RB1: variants seen among roughly 807,000 people sequenced by gnomAD.
RB1 encodes the protein RB transcriptional corepressor 1, also known as retinoblastoma-associated protein.
In RB1, 18 loss-of-function variants were observed where a neutral mutation model predicts 135.4. The ratio of observed to expected loss-of-function variants is 0.13; its 90% CI spans 0.09 to 0.20. RB1 has a LOEUF of 0.20. RB1 is among the 10% of genes least tolerant of loss of function. RB1 has a pLI of 1.00. For missense variants in RB1, 868 were observed against 1,110.0 expected (o/e 0.78, Z 3.10); for synonymous variants, 365 against 373.2 (o/e 0.98, Z 0.25).
intron 17 of RB1, chr13:48,412,344 A>G (rs777636585): frequency 5.0e-6 from 8 of 1,613,542 alleles, no homozygotes; most frequent in Middle Eastern, 1.6e-4. Context: ...AAGCACAAAC[A>G]CCATGCTGAA....
intron 17 of RB1, among the ~76,000 whole-genome samples, chr13:48,414,782 CAA>C (rs1382909101): frequency 3.3e-5 from 5 of 151,602 alleles, no homozygotes; most frequent in African/African-American, 1.2e-4. Context: ...TATCAAATGA[CAA>C]AAAAAGATGA....
rs769539980 is a variant in RB1 at position 48,476,783 on chromosome 13, C to T, written c.2603C>T (p.Pro868Leu). The T allele has an allele frequency of 1.2e-6, 2 of 1,613,660 alleles. No homozygotes were observed. Among genetic ancestry groups the T allele is most frequent in the Non-Finnish European group, 1.7e-6 (2 of 1,179,674 alleles). The stretch of plus-strand genomic sequence containing the variant: ...AAAAGAAGTGCTGAAGGAAGCAACC[C>T]TCCTAAACCACTGAAAAAACTACGC... ...VLKRSAEGSN[P>L]PKPLKKLRFD... The change falls in exon 25 of 27, where the codon CCT (proline) becomes CTT (leucine). Residue 868 changes from proline (P) to leucine (L), a missense_variant. Around this residue, in one of 3 missense-constraint regions of RB1, gnomAD observed 196 missense variants for 239.8 expected, o/e 0.82. Coordinates refer to ENST00000267163, the MANE Select transcript of RB1 (RefSeq NM_000321.3).
intron 7 of RB1, among the ~76,000 whole-genome samples, chr13:48,361,903 C>T (rs191515253): frequency 2.7e-5 from 4 of 148,074 alleles, no homozygotes; most frequent in Non-Finnish European, 4.5e-5. Flanking sequence ...TTGATTGGAT[C>T]TAGAGGCAAT....
At chr13:48,458,490 G>A (rs957567983) in intron 19 of RB1, among the ~76,000 whole-genome samples, 17 of 152,172 alleles carry the variant, frequency 1.1e-4, no homozygotes, top group African/African-American at 4.1e-4. Context: ...TTAGGTTAGA[G>A]CAGTGGTTTT....
Position 48,328,570 on chromosome 13 carries a change from G to C in RB1, c.265-14029G>C, listed in dbSNP as rs747981304. ...CGCCTTCCCATCAGCCATTTCCCCC[G>C]CCGCATTGTTTTTTTAAGATTTCAG... On this transcript the variant is annotated intron_variant, in intron 2 of 26. Transcript: ENST00000267163. 8.9e-6 allele frequency: 6 copies of C among 670,810 alleles called. No homozygotes were observed. The African/African-American group carries it at 9.2e-5, about 10-fold the overall frequency. 41.6% of individuals were successfully genotyped at this position (670,810 alleles called of 1,614,324 possible). A position where few individuals can be genotyped will look rare whatever the true frequency, so the allele number is the denominator to read the frequency against.
intron 17 of RB1, among the ~76,000 whole-genome samples, chr13:48,440,196 C>T (rs1004447357): frequency 6.6e-6 from 1 of 151,888 alleles, no homozygotes; most frequent in African/African-American, 2.4e-5. Context: ...TGCTGCCTCC[C>T]AAATAAATTA....
Position 48,348,890 on chromosome 13 carries a change from T to C in RB1, c.540-66T>C, listed in dbSNP as rs549001406. 279 of 1,555,450 alleles carry C rather than the reference T, an allele frequency of 1.8e-4. 6 individuals are homozygous for C. The South Asian group carries it at 3.2e-3, about 18-fold the overall frequency. On this transcript the variant is annotated intron_variant, in intron 5 of 26. Coordinates refer to ENST00000267163, the MANE Select transcript of RB1 (RefSeq NM_000321.3). ...CAAAAAGAAACACCCAAAAGATATATCTGGAAAACTTTCTTTCAGTGATAC... is the reference window on the plus strand; with the variant it reads ...CAAAAAGAAACACCCAAAAGATATACCTGGAAAACTTTCTTTCAGTGATAC...
intron 6 of RB1, among the ~76,000 whole-genome samples, chr13:48,357,340 G>C (rs1308450627): frequency 6.6e-6 from 1 of 150,734 alleles, no homozygotes; most frequent in Non-Finnish European, 1.5e-5. Context: ...TTTCCATTTT[G>C]AGCTAAACTA....
intron 17 of RB1, among the ~76,000 whole-genome samples, chr13:48,387,986 A>G (rs1013889122): frequency 7.9e-5 from 12 of 151,980 alleles, no homozygotes; most frequent in African/African-American, 2.7e-4. Context: ...CTTTTTCTTG[A>G]CCAGATTTTA....
chr13:48,402,255 T>G (rs2138182016), intron 17 of RB1, among the ~76,000 whole-genome samples: 1 of 152,292 alleles, frequency 6.6e-6, no homozygotes, highest in South Asian at 2.1e-4. Flanking sequence ...GCATCTGATT[T>G]AGTTGAACCC....
At chr13:48,337,571 G>A (rs1366161943) in intron 2 of RB1, among the ~76,000 whole-genome samples, 1 of 152,114 alleles carries the variant, frequency 6.6e-6, no homozygotes, top group Non-Finnish European at 1.5e-5. Context: ...GCCTATGTGT[G>A]TCTCTGCACG....
chr13:48,378,527 C>A (rs1011032345), intron 13 of RB1, among the ~76,000 whole-genome samples: 2 of 151,714 alleles, frequency 1.3e-5, no homozygotes, highest in Admixed American at 1.3e-4. Flanking sequence ...GATGATGATG[C>A]TATCTTCTGG....
In RB1 at chr13:48,373,400, T is replaced by C. The variant is rs2138130820; in HGVS notation, c.1128-5T>C. On this transcript the variant is annotated splice_region_variant and splice_polypyrimidine_tract_variant and intron_variant, in intron 11 of 26. Coordinates refer to ENST00000267163, the MANE Select transcript of RB1 (RefSeq NM_000321.3). ...AACACATTTTCCTATTTTTATCCCCTCTAGGACTGTTATGAACACTATCCA... is the reference window on the plus strand; with the variant it reads ...AACACATTTTCCTATTTTTATCCCCCCTAGGACTGTTATGAACACTATCCA... The C allele has an allele frequency of 6.4e-7, 1 of 1,555,988 alleles. No individual in the cohort carries two copies. Among genetic ancestry groups the C allele is most frequent in the East Asian group, 2.3e-5 (1 of 44,332 alleles).
At chr13:48,367,164 T>C (rs1260145192) in intron 9 of RB1, among the ~76,000 whole-genome samples, 2 of 150,362 alleles carry the variant, frequency 1.3e-5, no homozygotes, top group Non-Finnish European at 3.0e-5. Context: ...ATATATGGGA[T>C]GTTTGGAAAA....
chr13:48,402,291 A>G (rs1948698829), intron 17 of RB1, among the ~76,000 whole-genome samples: 1 of 151,820 alleles, frequency 6.6e-6, no homozygotes, highest in Non-Finnish European at 1.5e-5. Flanking sequence ...GTCTTCTGAA[A>G]ATAAACGTTT....
intron 17 of RB1, among the ~76,000 whole-genome samples, chr13:48,397,546 G>A (rs948967971): frequency 2.6e-5 from 4 of 152,168 alleles, no homozygotes; most frequent in African/African-American, 7.2e-5. Flanking sequence ...TAATGTAGAT[G>A]ATGGGTTGAT....
At position 48,336,702 on chromosome 13, in the gene RB1, C is replaced by T. The variant is rs1322207617; in HGVS notation, c.265-5897C>T. Among the ~76,000 whole-genome samples, 5 of 143,712 alleles carry T rather than the reference C, an allele frequency of 3.5e-5. No individual in the cohort carries two copies. In the Admixed American group the frequency reaches 3.5e-4, roughly 10 times the overall value. The allele number at this position is 143,712 out of a possible 152,430, so 94.3% of individuals were successfully genotyped here. ...CTATTTCCTTCAGTTCTGCTCTGATCTTAGTTATTTCTTGCCTTCTGCTAG... is the reference window on the plus strand; with the variant it reads ...CTATTTCCTTCAGTTCTGCTCTGATTTTAGTTATTTCTTGCCTTCTGCTAG... On this transcript the variant is annotated intron_variant, in intron 2 of 26. Coordinates refer to ENST00000267163, the MANE Select transcript of RB1 (RefSeq NM_000321.3).
rs200893624 is a variant in RB1 at position 48,411,853 on chromosome 13, C to G, written c.1695+30410C>G. The G allele has an allele frequency of 2.7e-5, 44 of 1,613,634 alleles. No individual in the cohort carries two copies. Among genetic ancestry groups the G allele is most frequent in the Middle Eastern group, 1.6e-4 (1 of 6,084 alleles). On this transcript the variant is annotated intron_variant, in intron 17 of 26. Transcript: ENST00000267163. ...AAAATTAGAGGAATAAAAAATCCCACTATTTCGATGAAAATTACAATCCTT... is the reference window on the plus strand; with the variant it reads ...AAAATTAGAGGAATAAAAAATCCCAGTATTTCGATGAAAATTACAATCCTT...
intron 17 of RB1, among the ~76,000 whole-genome samples, chr13:48,443,821 T>C (rs1949261486): frequency 6.6e-6 from 1 of 152,190 alleles, no homozygotes; most frequent in Admixed American, 6.5e-5. Flanking sequence ...TTTTTTCTTT[T>C]GGAAAAAAGA....
Sources: gnomAD v4.1 joint callset for allele counts (sites outside exome capture counted in the v4.1 genomes callset) on GRCh38, gnomAD v4.1.1 for gene constraint, gnomAD v4.1.1 regional missense constraint, MANE v1.5 for transcripts, NCBI Gene and HGNC (gene_info 2026-07-23, HGNC 2026-07-21) for gene names.